Variants in TLCD4 observed in about 807,000 individuals in gnomAD.
TLCD4 encodes TLC domain-containing protein 4.
In TLCD4, 7 loss-of-function variants were observed where a neutral mutation model predicts 24.2. The ratio of observed to expected loss-of-function variants is 0.29; its 90% CI spans 0.16 to 0.54. The LOEUF is 0.54. Among genes scored for constraint, TLCD4 ranks in the 20% least tolerant of loss-of-function variants. TLCD4 has a pLI of 0.95. For missense variants in TLCD4, 259 were observed against 313.9 expected (o/e 0.82, Z 1.32); for synonymous variants, 103 against 106.4 (o/e 0.97, Z 0.20).
chr1:95,181,866 G>A (rs571587670), intron 6 of TLCD4, among the ~76,000 whole-genome samples: 9 of 151,990 alleles, frequency 5.9e-5, no homozygotes, highest in South Asian at 2.1e-4. Flanking sequence ...TGATCCACCC[G>A]CCTCGGCCTC....
At chr1:95,154,028 A>G (rs766253807) in intron 5 of TLCD4, among the ~76,000 whole-genome samples, 6 of 152,184 alleles carry the variant, frequency 3.9e-5, no homozygotes, top group Non-Finnish European at 8.8e-5. Flanking sequence ...CTATTCTACC[A>G]TAAGATAGCT....
intron 4 of TLCD4, among the ~76,000 whole-genome samples, chr1:95,150,555 G>GTAA (rs1175960083): frequency 6.6e-6 from 1 of 152,066 alleles, no homozygotes; most frequent in Non-Finnish European, 1.5e-5. Flanking sequence ...GCTCTTAAGT[G>GTAA]TAATGACTGT....
chr1:95,173,896 T>A lies in TLCD4; in HGVS notation c.473+7T>A. On this transcript the variant is annotated splice_region_variant and intron_variant, in intron 6 of 6. Transcript: ENST00000370203. Reference sequence around the variant, plus strand: ...GCCCGTTTGTGAATCAGCGGTATGTTACTGATATCATTGATTATTTTAAAG... The same window carrying A: ...GCCCGTTTGTGAATCAGCGGTATGTAACTGATATCATTGATTATTTTAAAG... The A allele has an allele frequency of 6.2e-7, 1 of 1,613,752 alleles. No individual in the cohort carries two copies. The highest frequency in any genetic ancestry group is 2.2e-5 in the East Asian group (1 of 44,870).
At chr1:95,180,864 T>C (rs927353902) in intron 6 of TLCD4, among the ~76,000 whole-genome samples, 4 of 152,218 alleles carry the variant, frequency 2.6e-5, no homozygotes, top group African/African-American at 9.7e-5. Context: ...AGATATAGCG[T>C]CTGGCTTCAT....
At chr1:95,123,517 A>T (rs1003060760) in intron 1 of TLCD4, among the ~76,000 whole-genome samples, 2 of 152,244 alleles carry the variant, frequency 1.3e-5, no homozygotes, top group Non-Finnish European at 2.9e-5. Context: ...AAGTAAAACT[A>T]GCTCATTACA....
intron 1 of TLCD4, 33 bp from the exon 2 acceptor site, chr1:95,143,858 A>C: frequency 7.5e-7 from 1 of 1,334,010 alleles, no homozygotes; most frequent in African/African-American, 1.5e-5. Flanking sequence ...TTATTATGAG[A>C]CAACAATTTA....
intron 1 of TLCD4, chr1:95,125,402 T>G (rs1557677398): frequency 6.6e-6 from 1 of 152,214 alleles, no homozygotes; most frequent in Non-Finnish European, 1.5e-5. Flanking sequence ...AAGTATCATG[T>G]TTATTGGGAA....
At chr1:95,093,415 T>G in the TLCD4 span, among the ~76,000 whole-genome samples, 1 of 152,224 alleles carries the variant, frequency 6.6e-6, no homozygotes, top group Admixed American at 6.5e-5. Flanking sequence ...AAGTGGGGAT[T>G]GAGTATCTTT....
intron 5 of TLCD4, 134 bp downstream of exon 5, chr1:95,151,553 G>T (rs1415255249): frequency 2.0e-6 from 2 of 995,824 alleles, no homozygotes; most frequent in Non-Finnish European, 2.9e-6. Context: ...GATTGCTTTT[G>T]TGGTATGCTA....
intron 5 of TLCD4, among the ~76,000 whole-genome samples, chr1:95,166,986 C>T (rs901957059): frequency 1.3e-5 from 2 of 152,116 alleles, no homozygotes; most frequent in African/African-American, 4.8e-5. Context: ...CCTCCTGCCT[C>T]AACCTCCTAA....
intron 6 of TLCD4, among the ~76,000 whole-genome samples, chr1:95,175,832 G>A (rs189145870): frequency 1.7e-3 from 253 of 151,764 alleles, no homozygotes; most frequent in African/African-American, 5.9e-3. Flanking sequence ...CTGGAGTGCA[G>A]TGGCATGATC....
intron 1 of TLCD4, chr1:95,120,262 C>A (rs568579859): frequency 3.3e-5 from 5 of 152,232 alleles, no homozygotes; most frequent in African/African-American, 1.2e-4. Context: ...ATGGATTACA[C>A]CAGAGAATAC....
chr1:95,139,395 A>G (rs898915545), intron 1 of TLCD4, among the ~76,000 whole-genome samples: 1 of 151,412 alleles, frequency 6.6e-6, no homozygotes, highest in Non-Finnish European at 1.5e-5. Context: ...TCTTTTTTCA[A>G]TAAATTAACC....
the TLCD4 span, among the ~76,000 whole-genome samples, chr1:95,099,241 G>A: frequency 3.4e-5 from 5 of 145,802 alleles, no homozygotes; most frequent in Admixed American, 7.0e-5. Flanking sequence ...CAGCCTGGGC[G>A]ACATGGTGAA....
At chr1:95,150,401 C>A in intron 4 of TLCD4, 135 bp downstream of exon 4, 1 of 1,073,120 alleles carries the variant, frequency 9.3e-7, no homozygotes, top group East Asian at 2.7e-5. Context: ...AAATACCTCC[C>A]ATGATGGTAG....
intron 5 of TLCD4, among the ~76,000 whole-genome samples, chr1:95,173,341 G>T (rs1487583533): frequency 6.7e-6 from 1 of 148,984 alleles, no homozygotes; most frequent in Non-Finnish European, 1.5e-5. Context: ...ACGGAGTCTC[G>T]CTCTGTCGCC....
At chr1:95,144,092 CTAGTT>C (rs1677285893) in intron 2 of TLCD4, 36 bp downstream of exon 2, 1 of 1,359,006 alleles carries the variant, frequency 7.4e-7, no homozygotes, top group Admixed American at 2.9e-5. Context: ...TGACAAGAAA[CTAGTT>C]TATGAGATAA....
At chr1:95,116,375 A>G (rs150178493), upstream of TLCD4, among the ~76,000 whole-genome samples, 1,029 of 152,320 alleles carry the variant, frequency 6.8e-3, 10 homozygotes, top group Non-Finnish European at 0.012. Context: ...TTTTGTGTAT[A>G]TATTTTCTGG....
At chr1:95,181,101 A>C (rs1031739972) in intron 6 of TLCD4, among the ~76,000 whole-genome samples, 2 of 152,214 alleles carry the variant, frequency 1.3e-5, no homozygotes, top group African/African-American at 4.8e-5. Context: ...TGTCTCAGAA[A>C]AAAACAAAAA....
Sources: allele counts gnomAD v4.1 joint callset (sites outside exome capture counted in the v4.1 genomes callset), GRCh38; gene constraint gnomAD v4.1.1; transcripts MANE v1.5; gene names NCBI Gene and HGNC (gene_info 2026-07-23, HGNC 2026-07-21).